Variants in POFUT3 observed in about 807,000 individuals in gnomAD.
POFUT3 encodes protein O-fucosyltransferase 3.
At chr8:33,325,871 T>A in the POFUT3 span, among the ~76,000 whole-genome samples, 1 of 152,122 alleles carries the variant, frequency 6.6e-6, no homozygotes, top group African/African-American at 2.4e-5. Flanking sequence ...GCCCCCTCCA[T>A]AACTGAGGAC....
At chr8:33,412,876 C>T in the POFUT3 span, among the ~76,000 whole-genome samples, 1 of 152,206 alleles carries the variant, frequency 6.6e-6, no homozygotes, top group African/African-American at 2.4e-5. Flanking sequence ...GATCTGCCCA[C>T]CTTGGCCTCC....
the POFUT3 span, among the ~76,000 whole-genome samples, chr8:33,384,364 G>A: frequency 6.6e-6 from 1 of 152,204 alleles, no homozygotes; most frequent in East Asian, 1.9e-4. Flanking sequence ...TCCTTGAGGA[G>A]AATATCTAGT....
the POFUT3 span, among the ~76,000 whole-genome samples, chr8:33,357,542 G>GTA: frequency 6.8e-4 from 103 of 150,624 alleles, no homozygotes; most frequent in Middle Eastern, 3.5e-3. Context: ...ATATATGTGT[G>GTA]TATATATATA....
chr8:33,338,563 C>G, the POFUT3 span, among the ~76,000 whole-genome samples: 1 of 152,160 alleles, frequency 6.6e-6, no homozygotes, highest in African/African-American at 2.4e-5. Flanking sequence ...AACACCCTTT[C>G]TCCTGGCTGG....
chr8:33,415,664 G>A, the POFUT3 span, among the ~76,000 whole-genome samples: 64 of 152,148 alleles, frequency 4.2e-4, 1 homozygote, highest in African/African-American at 1.3e-3. Context: ...GGTAGAGAGA[G>A]ATCCTGAACT....
chr8:33,405,342 A>G, the POFUT3 span, among the ~76,000 whole-genome samples: 41 of 152,244 alleles, frequency 2.7e-4, no homozygotes, highest in African/African-American at 9.1e-4. Context: ...AAACCACTAC[A>G]TCGTCTTAAG....
At chr8:33,433,312 A>C in the POFUT3 span, among the ~76,000 whole-genome samples, 1 of 151,962 alleles carries the variant, frequency 6.6e-6, no homozygotes, top group Admixed American at 6.6e-5. Flanking sequence ...CCTTATCTCT[A>C]CAAAAACTAA....
At chr8:33,341,055 C>A in the POFUT3 span, among the ~76,000 whole-genome samples, 1 of 151,998 alleles carries the variant, frequency 6.6e-6, no homozygotes, top group African/African-American at 2.4e-5. Flanking sequence ...TAAAACAAAC[C>A]TAAAAATTTT....
chr8:33,382,378 A>ATT, the POFUT3 span, among the ~76,000 whole-genome samples: 1 of 99,842 alleles, frequency 1.0e-5, no homozygotes, highest in African/African-American at 4.4e-5. Context: ...AATCCCATAA[A>ATT]ATGACAGCAA....
the POFUT3 span, among the ~76,000 whole-genome samples, chr8:33,440,420 C>T: frequency 6.6e-6 from 1 of 152,116 alleles, no homozygotes; most frequent in Non-Finnish European, 1.5e-5. Flanking sequence ...TGGTGGCATG[C>T]TGTGTACATA....
the POFUT3 span, among the ~76,000 whole-genome samples, chr8:33,351,002 G>A: frequency 6.6e-6 from 1 of 152,172 alleles, no homozygotes; most frequent in East Asian, 1.9e-4. Flanking sequence ...TTGGGACAGA[G>A]TCTCACTCTG....
At chr8:33,457,525 C>CT in the POFUT3 span, among the ~76,000 whole-genome samples, 58 of 147,654 alleles carry the variant, frequency 3.9e-4, no homozygotes, top group Admixed American at 1.1e-3. Flanking sequence ...TATGAAAATT[C>CT]TTTTTTTTTT....
At chr8:33,379,525 T>C in the POFUT3 span, among the ~76,000 whole-genome samples, 4 of 152,196 alleles carry the variant, frequency 2.6e-5, no homozygotes, top group African/African-American at 7.2e-5. Flanking sequence ...AACTTTAAAC[T>C]ACCATTAGTA....
the POFUT3 span, among the ~76,000 whole-genome samples, chr8:33,324,146 A>G: frequency 6.6e-6 from 1 of 152,134 alleles, no homozygotes; most frequent in African/African-American, 2.4e-5. Context: ...GAAGCACAAA[A>G]AAGCCCATGT....
chr8:33,469,361 C>T, the POFUT3 span, among the ~76,000 whole-genome samples: 4 of 152,138 alleles, frequency 2.6e-5, no homozygotes, highest in Admixed American at 1.3e-4. Flanking sequence ...GTGTACCTCG[C>T]TCATTTTCAG....
the POFUT3 span, among the ~76,000 whole-genome samples, chr8:33,367,602 A>G: frequency 5.8e-3 from 882 of 152,270 alleles, 9 homozygotes; most frequent in African/African-American, 0.02. Context: ...GGTCTCCCCA[A>G]ACAAGCTGGT....
chr8:33,323,789 G>A, the POFUT3 span, among the ~76,000 whole-genome samples: 1 of 152,140 alleles, frequency 6.6e-6, no homozygotes, highest in African/African-American at 2.4e-5. Flanking sequence ...TATTCCACAA[G>A]TTCAGCCTAG....
At chr8:33,374,898 GA>G in the POFUT3 span, among the ~76,000 whole-genome samples, 58 of 141,694 alleles carry the variant, frequency 4.1e-4, no homozygotes, top group African/African-American at 1.5e-3. Flanking sequence ...TTTTGAGACA[GA>G]ATCTCGCTTT....
At chr8:33,371,157 C>T in the POFUT3 span, 2 of 152,012 alleles carry the variant, frequency 1.3e-5, no homozygotes, top group South Asian at 2.1e-4. Context: ...AAACTAAGGC[C>T]GATGGAGGTT....
Sources: gnomAD v4.1 joint callset for allele counts (sites outside exome capture counted in the v4.1 genomes callset) on GRCh38, gnomAD v4.1.1 for gene constraint, MANE v1.5 for transcripts, NCBI Gene and HGNC (gene_info 2026-07-23, HGNC 2026-07-21) for gene names.